Variants in HEXB observed in about 807,000 individuals in gnomAD.
HEXB encodes the protein hexosaminidase subunit beta.
HEXB carries 51 observed loss-of-function variants against 71.2 expected under a neutral mutation model. The observed-to-expected ratio is 0.72, with a 90% confidence interval of 0.57 to 0.90. The LOEUF is 0.90. HEXB is among the 40% of genes least tolerant of loss of function. HEXB has a pLI of 0.00. For synonymous variants in HEXB, 266 were observed against 249.3 expected, an observed-to-expected ratio of 1.07 and a Z score of -0.63; for missense variants, 617 against 677.0, an observed-to-expected ratio of 0.91 and a Z score of 0.98.
At chr5:74,657,204 T>G (rs1344647894) in intron 1 of HEXB, among the ~76,000 whole-genome samples, 3 of 152,112 alleles carry the variant, frequency 2.0e-5, no homozygotes, top group Non-Finnish European at 4.4e-5. Context: ...TCCAGTGGCT[T>G]CCATCTCCTT....
chr5:74,704,352 C>A (rs1419349741), intron 5 of HEXB, among the ~76,000 whole-genome samples: 1 of 152,022 alleles, frequency 6.6e-6, no homozygotes, highest in Admixed American at 6.6e-5. Flanking sequence ...TCTTGTTGGA[C>A]AAATCTTCTC....
upstream of HEXB, among the ~76,000 whole-genome samples, chr5:74,681,916 T>G (rs1748745725): frequency 6.6e-6 from 1 of 152,246 alleles, no homozygotes; most frequent in Non-Finnish European, 1.5e-5. Context: ...AAAGGCATTG[T>G]GGCTTCCTCT....
intron 5 of HEXB, among the ~76,000 whole-genome samples, chr5:74,697,645 G>C (rs1182074022): frequency 6.8e-6 from 1 of 147,138 alleles, no homozygotes; most frequent in Non-Finnish European, 1.5e-5. Flanking sequence ...AGAATTGCTT[G>C]AACCCTCCCC....
At chr5:74,682,121 G>A (rs895856949), upstream of HEXB, among the ~76,000 whole-genome samples, 4 of 152,238 alleles carry the variant, frequency 2.6e-5, no homozygotes, top group Non-Finnish European at 4.4e-5. Context: ...CACTTTGGGA[G>A]GCCGAGACGG....
At chr5:74,696,948 A>T in intron 4 of HEXB, 48 bp from the exon 5 acceptor site, 1 of 1,019,082 alleles carries the variant, frequency 9.8e-7, no homozygotes, top group Non-Finnish European at 1.6e-6. Flanking sequence ...ATTGAGTTCA[A>T]GACAACAGAA....
intron 7 of HEXB, 42 bp downstream of exon 7, chr5:74,713,677 T>A (rs759294982): frequency 1.3e-6 from 2 of 1,545,770 alleles, no homozygotes; most frequent in Middle Eastern, 3.5e-4. Context: ...TATTTTTTAT[T>A]TTTTGAGATG....
intron 3 of HEXB, among the ~76,000 whole-genome samples, chr5:74,694,433 T>G (rs1448394869): frequency 6.6e-6 from 1 of 152,176 alleles, no homozygotes; most frequent in Non-Finnish European, 1.5e-5. Context: ...AGGAACAGTG[T>G]CAAAAGGCAA....
At position 74,714,496 on chromosome 5, in the gene HEXB, T is replaced by C. The variant is rs551226560; in HGVS notation, c.901+861T>C. Among the ~76,000 whole-genome samples, 3 of 152,280 alleles carry C rather than the reference T, an allele frequency of 2.0e-5. No homozygotes were observed. In the East Asian group the frequency reaches 5.8e-4, roughly 29 times the overall value. On this transcript the variant is annotated intron_variant, in intron 7 of 13. Coordinates refer to ENST00000261416, the MANE Select transcript of HEXB (RefSeq NM_000521.4). ...GGCATAAGGAAATGTGTGCAAAAAG[T>C]GTAAGATATGCTTGACAAGTATGTA...
At chr5:74,713,663 A>G in intron 7 of HEXB, 28 bp downstream of exon 7, 1 of 1,591,144 alleles carries the variant, frequency 6.3e-7, no homozygotes, top group Non-Finnish European at 8.6e-7. Flanking sequence ...ATTTCATTTT[A>G]TCTTATTTTT....
At chr5:74,644,881 C>T (rs1747974441) in intron 1 of HEXB, among the ~76,000 whole-genome samples, 1 of 141,132 alleles carries the variant, frequency 7.1e-6, no homozygotes, top group African/African-American at 2.6e-5. Flanking sequence ...AAGCAATTCT[C>T]CTGCCTCAGC....
At chr5:74,699,462 A>T (rs1484487602) in intron 5 of HEXB, among the ~76,000 whole-genome samples, 1 of 151,920 alleles carries the variant, frequency 6.6e-6, no homozygotes, top group Non-Finnish European at 1.5e-5. Flanking sequence ...TTTAGTAGAG[A>T]TGGGGTTTCA....
intron 6 of HEXB, among the ~76,000 whole-genome samples, chr5:74,707,943 C>A (rs1462036289): frequency 6.6e-6 from 1 of 152,052 alleles, no homozygotes; most frequent in African/African-American, 2.4e-5. Flanking sequence ...CAGAGAATGC[C>A]ACAAACATAC....
At chr5:74,645,781 G>A (rs1315343221) in intron 1 of HEXB, among the ~76,000 whole-genome samples, 1 of 152,144 alleles carries the variant, frequency 6.6e-6, no homozygotes, top group Non-Finnish European at 1.5e-5. Context: ...CCTATTGTAG[G>A]TTATAGATTT....
chr5:74,644,918 C>T (rs774863402), intron 1 of HEXB, among the ~76,000 whole-genome samples: 2 of 151,374 alleles, frequency 1.3e-5, no homozygotes, highest in Non-Finnish European at 2.9e-5. Flanking sequence ...ACTACAGGCG[C>T]CTGCCACCAC....
rs70976121 is a variant in HEXB at position 74,679,798 on chromosome 5, C to CAAAAAAAAAAAAA, written c.-376-9515_-376-9503dup. On this transcript the variant is annotated intron_variant, in intron 1 of 13. Coordinates refer to the HEXB transcript ENST00000511181. The stretch of plus-strand genomic sequence containing the variant: ...CTGGTGACAGCGCGAGACTCCGTCT[C>CAAAAAAAAAAAAA]AAAAAAAAAAAAAAAAAAAAAAAAA... 1.0e-4 allele frequency among the ~76,000 whole-genome samples: 4 copies of CAAAAAAAAAAAAA among 38,924 alleles called. 1 individual carries two copies. Among genetic ancestry groups the CAAAAAAAAAAAAA allele is most frequent in the African/African-American group, 2.3e-4 (2 of 8,596 alleles). The allele number at this position is 38,924 out of a possible 152,430, so 25.5% of individuals were successfully genotyped here.
At chr5:74,643,640 G>T (rs1294553788) in intron 1 of HEXB, among the ~76,000 whole-genome samples, 1 of 152,174 alleles carries the variant, frequency 6.6e-6, no homozygotes, top group Non-Finnish European at 1.5e-5. Flanking sequence ...TTGTTAGGCC[G>T]CAAAATAAGC....
chr5:74,663,207 G>C (rs892043642), intron 1 of HEXB, among the ~76,000 whole-genome samples: 7 of 151,058 alleles, frequency 4.6e-5, no homozygotes, highest in Non-Finnish European at 7.4e-5. Context: ...GGTGGAGTGC[G>C]GTGGCGGAGT....
In HEXB at chr5:74,696,820, T is replaced by C. The variant is rs892186226; in HGVS notation, c.558+81T>C. Reference sequence around the variant, plus strand: ...AAAATGTAACCTGTTTAGCTATTGCTTCCTGAAGATTTCATTTCCCCAGAT... The same window carrying C: ...AAAATGTAACCTGTTTAGCTATTGCCTCCTGAAGATTTCATTTCCCCAGAT... On this transcript the variant is annotated intron_variant, in intron 4 of 13. Transcript: ENST00000261416. The C allele has an allele frequency of 8.1e-5, 65 of 801,340 alleles. 2 individuals are homozygous for C. Among genetic ancestry groups the C allele is most frequent in the Non-Finnish European group, 4.3e-6 (2 of 466,654 alleles). 49.6% of individuals were successfully genotyped at this position (801,340 alleles called of 1,614,324 possible).
intron 1 of HEXB, 87 bp downstream of exon 1, chr5:74,685,646 C>A: frequency 7.9e-7 from 1 of 1,259,690 alleles, no homozygotes; most frequent in Non-Finnish European, 1.1e-6. Context: ...CTCACCACCC[C>A]ACTGCGCAGA....
Sources: allele counts gnomAD v4.1 joint callset (sites outside exome capture counted in the v4.1 genomes callset), GRCh38; gene constraint gnomAD v4.1.1; transcripts MANE v1.5; gene names NCBI Gene and HGNC (gene_info 2026-07-23, HGNC 2026-07-21).